Variants in USP13 observed in about 807,000 individuals in gnomAD.
The protein encoded by USP13 is ubiquitin specific peptidase 13, also known as ubiquitin carboxyl-terminal hydrolase 13.
A neutral mutation model predicts 107.8 loss-of-function variants in USP13; 68 were observed. The ratio of observed to expected loss-of-function variants is 0.63; its 90% CI spans 0.52 to 0.77. The LOEUF (loss-of-function observed/expected upper bound fraction) is 0.77. Among genes scored for constraint, USP13 ranks in the 30% least tolerant of loss-of-function variants. The pLI is 0.00. For missense variants in USP13, 945 were observed against 1,093.3 expected (o/e 0.86, Z 1.91); for synonymous variants, 377 against 389.5 (o/e 0.97, Z 0.38).
At chr3:179,668,310 A>G (rs1415806331) in intron 1 of USP13, among the ~76,000 whole-genome samples, 3 of 152,000 alleles carry the variant, frequency 2.0e-5, no homozygotes, top group Non-Finnish European at 4.4e-5. Flanking sequence ...CTGGATTAAT[A>G]TTTCTGGTTT....
Position 179,787,619 on chromosome 3 carries a change from T to G in USP13, c.*3478T>G, listed in dbSNP as rs1245808661. 2 of 152,284 alleles carry G rather than the reference T, an allele frequency of 1.3e-5. No individual in the cohort carries two copies. The highest frequency in any genetic ancestry group is 3.9e-4 in the East Asian group (2 of 5,176). 9.4% of individuals were successfully genotyped at this position (152,284 alleles called of 1,614,324 possible). On this transcript the variant is annotated 3_prime_UTR_variant, in exon 21 of 21. Coordinates refer to ENST00000263966, the MANE Select transcript of USP13 (RefSeq NM_003940.3). ...GGGTAATCATCCCACTTTTTTTTTT[T>G]CTTGAGATGGAGTCTCGCTGTGTTG...
At chr3:179,755,458 T>TAG (rs1714758184) in intron 15 of USP13, among the ~76,000 whole-genome samples, 1 of 152,032 alleles carries the variant, frequency 6.6e-6, no homozygotes, top group Non-Finnish European at 1.5e-5. Flanking sequence ...CCATGCCTGC[T>TAG]TAATTTTTTT....
At chr3:179,659,272 CTCTG>C (rs1276555840) in intron 1 of USP13, among the ~76,000 whole-genome samples, 1 of 152,300 alleles carries the variant, frequency 6.6e-6, no homozygotes, top group East Asian at 1.9e-4. Flanking sequence ...TCAGTGAATC[CTCTG>C]TCTTTCTGTC....
At position 179,744,010 on chromosome 3, in the gene USP13, A is replaced by T. The variant is rs551430367; in HGVS notation, c.1535-1033A>T. On this transcript the variant is annotated intron_variant, in intron 12 of 20. Coordinates refer to ENST00000263966, the MANE Select transcript of USP13 (RefSeq NM_003940.3). The stretch of plus-strand genomic sequence containing the variant: ...TGACATAAAATTTTGACTACAGGCT[A>T]GTTTCCAGGACCAGATCTGCTGGTG... 2.7e-5 allele frequency among the ~76,000 whole-genome samples: 4 copies of T among 149,010 alleles called. No individual in the cohort carries two copies. In the South Asian group the frequency reaches 8.6e-4, roughly 32 times the overall value.
chr3:179,770,312 A>G (rs1401965554), intron 19 of USP13, among the ~76,000 whole-genome samples: 3 of 152,172 alleles, frequency 2.0e-5, no homozygotes, highest in Non-Finnish European at 2.9e-5. Context: ...GCAAAGCTGT[A>G]TGGTTTTCTT....
chr3:179,699,722 T>C (rs1011125344), intron 3 of USP13, among the ~76,000 whole-genome samples: 1 of 147,914 alleles, frequency 6.8e-6, no homozygotes, highest in Admixed American at 6.8e-5. Context: ...AAAGCTTAGA[T>C]TGCATTTTAG....
Position 179,653,487 on chromosome 3 carries a change from TCTC to T in USP13, c.168+95_168+97del, listed in dbSNP as rs1720151160. On this transcript the variant is annotated intron_variant, in intron 1 of 20. Coordinates refer to ENST00000263966, the MANE Select transcript of USP13 (RefSeq NM_003940.3). The surrounding 1 kb of genome is among the most constrained non-coding windows in gnomAD (Gnocchi z 4.0). ...ATGCGCAGTGGCGGCCGGGACCTCT[TCTC>T]TTCCTCCGGGCGGCAGAGTTGGCTC... 1.4e-6 allele frequency: 2 copies of T among 1,471,216 alleles called. No individual in the cohort carries two copies. Among genetic ancestry groups the T allele is most frequent in the Non-Finnish European group, 1.8e-6 (2 of 1,099,084 alleles). 91.1% of individuals were successfully genotyped at this position (1,471,216 alleles called of 1,614,324 possible).
chr3:179,732,106 G>A (rs1020951529), intron 10 of USP13, among the ~76,000 whole-genome samples: 1 of 152,136 alleles, frequency 6.6e-6, no homozygotes, highest in African/African-American at 2.4e-5. Context: ...AAGCCCAGGA[G>A]ACCAGAGGGG....
chr3:179,655,786 C>G lies in USP13; in HGVS notation c.168+2393C>G, dbSNP rs998452336. Among the ~76,000 whole-genome samples, 11 of 152,168 alleles carry G rather than the reference C, an allele frequency of 7.2e-5. No homozygotes were observed. In the South Asian group the frequency reaches 2.1e-3, roughly 29 times the overall value. ...TAGGCTGCTCTCGAACTCCTGACCTCAAGTGATCCACTCACCTTGGCCTCC... is the reference window on the plus strand; with the variant it reads ...TAGGCTGCTCTCGAACTCCTGACCTGAAGTGATCCACTCACCTTGGCCTCC... On this transcript the variant is annotated intron_variant, in intron 1 of 20. Transcript: ENST00000263966.
chr3:179,705,216 A>G (rs1712670268), intron 4 of USP13, among the ~76,000 whole-genome samples: 2 of 152,202 alleles, frequency 1.3e-5, no homozygotes, highest in African/African-American at 4.8e-5. Flanking sequence ...CAGGACCCAG[A>G]CACATGGGAA....
intron 1 of USP13, among the ~76,000 whole-genome samples, chr3:179,680,697 C>T (rs1368072446): frequency 6.6e-6 from 1 of 152,106 alleles, no homozygotes; most frequent in East Asian, 1.9e-4. Context: ...CACGCACCAC[C>T]ACGCCCGGCT....
intron 19 of USP13, among the ~76,000 whole-genome samples, chr3:179,775,845 C>T (rs1220994267): frequency 4.6e-5 from 7 of 152,304 alleles, no homozygotes; most frequent in African/African-American, 9.6e-5. Context: ...TTCCTGCCTG[C>T]GCCTCTCCCT....
chr3:179,720,294 A>C (rs1713265488), intron 7 of USP13, among the ~76,000 whole-genome samples: 1 of 152,186 alleles, frequency 6.6e-6, no homozygotes, highest in Non-Finnish European at 1.5e-5. Flanking sequence ...GTTTACTTGC[A>C]AAATTAGTCT....
intron 10 of USP13, among the ~76,000 whole-genome samples, chr3:179,737,699 G>C (rs1349529505): frequency 1.3e-5 from 2 of 152,232 alleles, no homozygotes; most frequent in Admixed American, 6.5e-5. Flanking sequence ...TTAGTCCTTA[G>C]ATGCCCAAAT....
intron 15 of USP13, among the ~76,000 whole-genome samples, chr3:179,755,294 A>C (rs1023968821): frequency 6.6e-6 from 1 of 151,994 alleles, no homozygotes; most frequent in Admixed American, 6.6e-5. Flanking sequence ...TTCAGAACAC[A>C]TAACATTTTT....
At chr3:179,783,860 TAA>T (rs55669733) in intron 20 of USP13, among the ~76,000 whole-genome samples, 186 bp from the exon 21 acceptor site, 19,762 of 137,088 alleles carry the variant, frequency 0.14, 3,598 homozygotes, top group African/African-American at 0.43. Flanking sequence ...CCTTGTCTCT[TAA>T]AAAAAAAAAA....
At chr3:179,657,442 A>G (rs1720299178) in intron 1 of USP13, among the ~76,000 whole-genome samples, 1 of 151,662 alleles carries the variant, frequency 6.6e-6, no homozygotes, top group South Asian at 2.1e-4. Flanking sequence ...AATAGAGAAG[A>G]ATGGAAGGAA....
At chr3:179,756,938 G>A (rs137877318) in intron 15 of USP13, 114 bp from the exon 16 acceptor site, 1 of 1,015,918 alleles carries the variant, frequency 9.8e-7, no homozygotes, top group Non-Finnish European at 1.5e-6. Context: ...AACAGTGTGT[G>A]GTCCCCAGGA....
chr3:179,740,253 C>A lies in USP13; in HGVS notation c.1261C>A (p.Gln421Lys), dbSNP rs1714139880. 1 of 1,613,940 alleles carries A rather than the reference C, an allele frequency of 6.2e-7. No homozygotes were observed. The highest frequency in any genetic ancestry group is 8.5e-7 in the Non-Finnish European group (1 of 1,179,978). ...TTTCATTTTTATACATTAGCCACAG[C>A]AGAACGGGATCTCTCCGCGCATGTT... ...QVMKEEHKPQ[Q>K]NGISPRMFKA... Residue 421 changes from glutamine to lysine, a missense_variant, in exon 11 of 21, where the codon CAG becomes AAG. Coordinates refer to ENST00000263966, the MANE Select transcript of USP13 (RefSeq NM_003940.3).
Sources: gnomAD v4.1 joint callset for allele counts (sites outside exome capture counted in the v4.1 genomes callset) on GRCh38, gnomAD v4.1.1 for gene constraint, Gnocchi (gnomAD v3.1) non-coding constraint, MANE v1.5 for transcripts, NCBI Gene and HGNC (gene_info 2026-07-23, HGNC 2026-07-21) for gene names.